Variants in CLASP1 observed in about 807,000 individuals in gnomAD.
CLASP1 encodes CLIP-associating protein 1.
Under a neutral mutation model 192.3 loss-of-function variants are expected in CLASP1, and 38 were observed. That is an observed-to-expected ratio of 0.20 (90% confidence interval 0.15 to 0.26). The LOEUF (loss-of-function observed/expected upper bound fraction) is 0.26, where lower values mean the gene tolerates loss of function less well. CLASP1 is among the 10% of genes least tolerant of loss of function. The probability of loss-of-function intolerance (pLI) is 1.00; values close to 1 mark genes in which losing one functional copy is unlikely to be tolerated. For synonymous variants in CLASP1, 691 were observed against 712.8 expected, an observed-to-expected ratio of 0.97 and a Z score of 0.49; for missense variants, 1,433 against 1,932.5, an observed-to-expected ratio of 0.74 and a Z score of 4.85.
At chr2:121,424,353 T>C (rs2080036005) in intron 22 of CLASP1, among the ~76,000 whole-genome samples, 1 of 152,182 alleles carries the variant, frequency 6.6e-6, no homozygotes, top group African/African-American at 2.4e-5. Flanking sequence ...ATGAGATAAA[T>C]GAATAAATGA....
At chr2:121,445,674 A>T (rs1300834602) in intron 19 of CLASP1, among the ~76,000 whole-genome samples, 1 of 152,186 alleles carries the variant, frequency 6.6e-6, no homozygotes, top group Non-Finnish European at 1.5e-5. Context: ...CAGGAAACAG[A>T]GAATTTGAAT....
At chr2:121,579,602 A>C (rs1342103926) in intron 2 of CLASP1, among the ~76,000 whole-genome samples, 2 of 152,212 alleles carry the variant, frequency 1.3e-5, no homozygotes, top group Non-Finnish European at 1.5e-5. Flanking sequence ...AAGGATCTCC[A>C]TTCTATGAGG....
intron 8 of CLASP1, among the ~76,000 whole-genome samples, chr2:121,488,382 G>A (rs529432424): frequency 6.6e-6 from 1 of 152,266 alleles, no homozygotes; most frequent in South Asian, 2.1e-4. Flanking sequence ...CTCAGCAAAG[G>A]GACTATCATC....
intron 35 of CLASP1, among the ~76,000 whole-genome samples, chr2:121,366,065 C>T (rs1438210678): frequency 6.6e-6 from 1 of 152,204 alleles, no homozygotes; most frequent in Non-Finnish European, 1.5e-5. Flanking sequence ...TCTTTAGCTT[C>T]TAAGATTGGG....
intron 34 of CLASP1, among the ~76,000 whole-genome samples, chr2:121,376,161 A>G (rs1190972690): frequency 9.2e-5 from 14 of 152,208 alleles, no homozygotes; most frequent in Non-Finnish European, 2.9e-5. Flanking sequence ...CACACAACCA[A>G]CAATTCCATT....
intron 7 of CLASP1, among the ~76,000 whole-genome samples, chr2:121,513,331 G>A (rs189423118): frequency 1.9e-4 from 29 of 152,320 alleles, no homozygotes; most frequent in African/African-American, 7.0e-4. Context: ...TACCCTCTCC[G>A]TTTTGGAGAA....
At chr2:121,368,699 G>T (rs2067957369) in intron 34 of CLASP1, among the ~76,000 whole-genome samples, 1 of 152,128 alleles carries the variant, frequency 6.6e-6, no homozygotes, top group Non-Finnish European at 1.5e-5. Flanking sequence ...AACAACGGTG[G>T]AAACATTCCA....
intron 20 of CLASP1, 56 bp from the exon 21 acceptor site, chr2:121,427,486 C>T (rs764509775): frequency 2.5e-6 from 4 of 1,582,262 alleles, no homozygotes; most frequent in Non-Finnish European, 3.5e-6. Flanking sequence ...AAGACAATAA[C>T]ACAATACAGA....
At chr2:121,594,558 A>G (rs1162292082) in intron 2 of CLASP1, among the ~76,000 whole-genome samples, 3 of 151,466 alleles carry the variant, frequency 2.0e-5, no homozygotes. Context: ...ACGCCCGGCT[A>G]ATTTCTGTAT....
intron 37 of CLASP1, among the ~76,000 whole-genome samples, chr2:121,357,374 C>T (rs1044174892): frequency 1.3e-5 from 2 of 152,152 alleles, no homozygotes; most frequent in African/African-American, 4.8e-5. Context: ...CCTCACTTGA[C>T]TTTAATGCTA....
At chr2:121,501,819 T>C (rs1317427297) in intron 8 of CLASP1, among the ~76,000 whole-genome samples, 1 of 152,150 alleles carries the variant, frequency 6.6e-6, no homozygotes, top group East Asian at 1.9e-4. Flanking sequence ...TCTCAAGATA[T>C]TCAAAATGTG....
At chr2:121,405,214 CAGG>C (rs1234946028) in intron 25 of CLASP1, among the ~76,000 whole-genome samples, 1 of 152,134 alleles carries the variant, frequency 6.6e-6, no homozygotes, top group Non-Finnish European at 1.5e-5. Context: ...GAGGCTGAGG[CAGG>C]AGAATTGTTT....
At chr2:121,391,003 A>G (rs542528891) in intron 30 of CLASP1, among the ~76,000 whole-genome samples, 1 of 152,248 alleles carries the variant, frequency 6.6e-6, no homozygotes, top group South Asian at 2.1e-4. Context: ...CGTTTTTACT[A>G]TTCTATTAAA....
chr2:121,513,495 A>G (rs1480257633), intron 7 of CLASP1, among the ~76,000 whole-genome samples: 3 of 152,088 alleles, frequency 2.0e-5, no homozygotes, highest in Non-Finnish European at 2.9e-5. Context: ...CATGTGACTG[A>G]GAAGCTGGAA....
intron 2 of CLASP1, among the ~76,000 whole-genome samples, chr2:121,561,201 G>A (rs931448666): frequency 5.9e-5 from 9 of 152,082 alleles, no homozygotes; most frequent in African/African-American, 1.9e-4. Context: ...GCCACCACAC[G>A]CAGCCCAATG....
intron 1 of CLASP1, among the ~76,000 whole-genome samples, chr2:121,644,079 C>T (rs947227589): frequency 2.0e-5 from 3 of 152,120 alleles, no homozygotes; most frequent in Admixed American, 6.6e-5. Flanking sequence ...ACACTTTACA[C>T]GTATTATCTC....
intron 2 of CLASP1, among the ~76,000 whole-genome samples, chr2:121,600,461 A>G (rs1172918028): frequency 6.6e-6 from 1 of 152,192 alleles, no homozygotes; most frequent in African/African-American, 2.4e-5. Context: ...CCTTCACACT[A>G]ATCTGTCCTT....
chr2:121,429,465 A>T (rs1290496307), intron 20 of CLASP1, among the ~76,000 whole-genome samples: 2 of 152,338 alleles, frequency 1.3e-5, no homozygotes, highest in East Asian at 3.9e-4. Flanking sequence ...AAAGTGAGAC[A>T]CCAAGTGAGG....
intron 22 of CLASP1, among the ~76,000 whole-genome samples, chr2:121,420,132 G>GAAA (rs397767392): frequency 6.8e-6 from 1 of 146,526 alleles, no homozygotes; most frequent in Non-Finnish European, 1.5e-5. Context: ...ACTGCTCAGG[G>GAAA]AAAAAAAAAA....
Sources: allele counts gnomAD v4.1 joint callset (sites outside exome capture counted in the v4.1 genomes callset), GRCh38; gene constraint gnomAD v4.1.1; transcripts MANE v1.5; gene names NCBI Gene and HGNC (gene_info 2026-07-23, HGNC 2026-07-21).